The following ZFAT variants were observed in gnomAD, a reference collection of about 807,000 sequenced individuals.
The protein encoded by ZFAT is zinc finger protein ZFAT.
In ZFAT, 64 loss-of-function variants were observed where a neutral mutation model predicts 117.7. The observed-to-expected ratio is 0.54, with a 90% confidence interval of 0.44 to 0.67. ZFAT has a LOEUF of 0.67. ZFAT is among the 30% of genes least tolerant of loss of function. The pLI is 0.00. For synonymous variants in ZFAT, 679 were observed against 615.0 expected (o/e 1.10, Z -1.54); for missense variants, 1,433 against 1,584.5 (o/e 0.90, Z 1.62).
At chr8:134,798,053 T>C in the ZFAT span, 35 of 151,956 alleles carry the variant, frequency 2.3e-4, no homozygotes, top group Non-Finnish European at 3.2e-4. Context: ...TATTATATAT[T>C]ACAGATTCCC....
the ZFAT span, among the ~76,000 whole-genome samples, chr8:134,728,606 G>C: frequency 6.6e-6 from 1 of 152,136 alleles, no homozygotes; most frequent in East Asian, 1.9e-4. Flanking sequence ...CACCAGGACA[G>C]GTGTGCCTGC....
intron 3 of ZFAT, among the ~76,000 whole-genome samples, chr8:134,623,232 T>A (rs950491427): frequency 1.3e-4 from 20 of 152,102 alleles, no homozygotes; most frequent in African/African-American, 4.6e-4. Flanking sequence ...CTCACTGAAC[T>A]CCCTGCATCA....
At chr8:134,639,722 C>G in intron 2 of ZFAT, 1 of 444,864 alleles carries the variant, frequency 2.2e-6, no homozygotes, top group Non-Finnish European at 4.5e-6. Flanking sequence ...TCTACTGAAG[C>G]AGCAATTCAT....
chr8:134,627,706 T>C (rs1337645156), intron 3 of ZFAT, among the ~76,000 whole-genome samples: 1 of 152,216 alleles, frequency 6.6e-6, no homozygotes, highest in Non-Finnish European at 1.5e-5. Flanking sequence ...GTCTGCTGTA[T>C]GAGAATCCAT....
chr8:134,688,184 G>A (rs1365160378), intron 1 of ZFAT, among the ~76,000 whole-genome samples: 1 of 152,234 alleles, frequency 6.6e-6, no homozygotes, highest in African/African-American at 2.4e-5. Context: ...CGATGCTGAA[G>A]AGAACAGAGA....
intron 15 of ZFAT, among the ~76,000 whole-genome samples, chr8:134,498,341 C>T (rs1818671213): frequency 2.0e-5 from 3 of 147,574 alleles, no homozygotes; most frequent in African/African-American, 5.1e-5. Flanking sequence ...TGGGATGCCC[C>T]CGTTGCTGGT....
intron 1 of ZFAT, among the ~76,000 whole-genome samples, chr8:134,704,869 T>TA (rs1215226561): frequency 2.0e-5 from 3 of 151,418 alleles, no homozygotes; most frequent in Non-Finnish European, 4.4e-5. Context: ...ACAGTAGACC[T>TA]AACAAAAGCA....
chr8:134,830,509 C>A, the ZFAT span, among the ~76,000 whole-genome samples: 13 of 152,298 alleles, frequency 8.5e-5, no homozygotes, highest in African/African-American at 2.9e-4. Context: ...ACATAATCAA[C>A]AGAAAAAGCA....
chr8:134,539,920 A>G (rs553620103), intron 11 of ZFAT, among the ~76,000 whole-genome samples: 1 of 152,322 alleles, frequency 6.6e-6, no homozygotes, highest in South Asian at 2.1e-4. Flanking sequence ...CCAAGTCATT[A>G]CAACTCCACT....
At chr8:134,490,989 C>A (rs867415103) in intron 15 of ZFAT, among the ~76,000 whole-genome samples, 61 of 152,286 alleles carry the variant, frequency 4.0e-4, no homozygotes, top group African/African-American at 1.4e-3. Flanking sequence ...TTGTAGAGAT[C>A]TTTTAGAAAG....
chr8:134,828,636 C>A, the ZFAT span, among the ~76,000 whole-genome samples: 1 of 152,086 alleles, frequency 6.6e-6, no homozygotes, highest in South Asian at 2.1e-4. Flanking sequence ...ACATGAAGTA[C>A]GAACTAACCC....
chr8:134,769,951 C>G, the ZFAT span, among the ~76,000 whole-genome samples: 17 of 152,234 alleles, frequency 1.1e-4, no homozygotes, highest in Non-Finnish European at 1.9e-4. Context: ...ACGGTTGGAG[C>G]AGCTGGGACA....
At chr8:134,629,229 G>C (rs908541714) in intron 3 of ZFAT, among the ~76,000 whole-genome samples, 3 of 152,210 alleles carry the variant, frequency 2.0e-5, no homozygotes, top group Non-Finnish European at 2.9e-5. Context: ...AGCTGGATGA[G>C]TTTCGGATTG....
intron 1 of ZFAT, among the ~76,000 whole-genome samples, chr8:134,672,635 G>C (rs1411347972): frequency 2.6e-5 from 4 of 152,036 alleles, no homozygotes; most frequent in Non-Finnish European, 5.9e-5. Flanking sequence ...AAATGTAAAA[G>C]TAATGAAAAA....
chr8:134,499,524 G>A (rs948826119), intron 15 of ZFAT, among the ~76,000 whole-genome samples: 6 of 148,434 alleles, frequency 4.0e-5, no homozygotes, highest in African/African-American at 7.5e-5. Flanking sequence ...GGATGCCCCC[G>A]TTGCTGGTTA....
chr8:134,594,591 T>C (rs1826778814), intron 7 of ZFAT, among the ~76,000 whole-genome samples: 1 of 152,216 alleles, frequency 6.6e-6, no homozygotes, highest in Admixed American at 6.5e-5. Flanking sequence ...CTATTACTAT[T>C]CCTCTTCTTC....
chr8:134,801,818 C>T, the ZFAT span, among the ~76,000 whole-genome samples: 2 of 152,108 alleles, frequency 1.3e-5, no homozygotes, highest in Non-Finnish European at 2.9e-5. Context: ...TTCTGTTTTA[C>T]TTCATGTATT....
At chr8:134,755,076 G>A in the ZFAT span, among the ~76,000 whole-genome samples, 1 of 152,154 alleles carries the variant, frequency 6.6e-6, no homozygotes, top group African/African-American at 2.4e-5. Context: ...ACCTAAGCAA[G>A]TGTGAGGGAT....
At chr8:134,805,012 T>C in the ZFAT span, 1 of 482,238 alleles carries the variant, frequency 2.1e-6, no homozygotes, top group African/African-American at 2.0e-5. Flanking sequence ...CATCTTCAGC[T>C]AATAATTTAT....
Sources: allele counts gnomAD v4.1 joint callset (sites outside exome capture counted in the v4.1 genomes callset), GRCh38; gene constraint gnomAD v4.1.1; transcripts MANE v1.5; gene names NCBI Gene and HGNC (gene_info 2026-07-23, HGNC 2026-07-21).